The following ADAMTSL1 variants were observed in gnomAD, a reference collection of about 807,000 sequenced individuals.
ADAMTSL1 encodes the protein ADAMTS like 1.
ADAMTSL1 carries 126 observed loss-of-function variants against 201.8 expected under a neutral mutation model. That is an observed-to-expected ratio of 0.62 (90% CI 0.54 to 0.72). ADAMTSL1 has a LOEUF of 0.72. Among genes scored for constraint, ADAMTSL1 ranks in the 30% least tolerant of loss-of-function variants. ADAMTSL1 has a pLI of 0.00. For missense variants in ADAMTSL1, 2,679 were observed against 2,277.8 expected, an observed-to-expected ratio of 1.18 and a Z score of -3.59; for synonymous variants, 1,121 against 903.4, an observed-to-expected ratio of 1.24 and a Z score of -4.32.
At chr9:18,106,427 A>G (rs1395104655) in intron 1 of ADAMTSL1, among the ~76,000 whole-genome samples, 1 of 152,200 alleles carries the variant, frequency 6.6e-6, no homozygotes, top group African/African-American at 2.4e-5. Context: ...GCATTTCTCA[A>G]TGGAACCCCT....
At chr9:18,663,064 T>C (rs1381644482) in intron 9 of ADAMTSL1, among the ~76,000 whole-genome samples, 1 of 152,218 alleles carries the variant, frequency 6.6e-6, no homozygotes, top group Non-Finnish European at 1.5e-5. Flanking sequence ...CATTAAAATA[T>C]GACTTGGGCA....
intron 1 of ADAMTSL1, among the ~76,000 whole-genome samples, chr9:18,103,746 A>G (rs1824634410): frequency 6.6e-6 from 1 of 152,188 alleles, no homozygotes; most frequent in Non-Finnish European, 1.5e-5. Flanking sequence ...CTTTCAACCT[A>G]TATTCCATGG....
intron 10 of ADAMTSL1, among the ~76,000 whole-genome samples, chr9:18,677,838 A>G (rs1402783474): frequency 6.6e-6 from 1 of 152,090 alleles, no homozygotes; most frequent in African/African-American, 2.4e-5. Context: ...TATGTCTGAT[A>G]CTGAACTAGT....
chr9:18,397,248 C>T (rs992437627), intron 2 of ADAMTSL1, among the ~76,000 whole-genome samples: 2 of 152,050 alleles, frequency 1.3e-5, no homozygotes, highest in Non-Finnish European at 1.5e-5. Flanking sequence ...TTGAGAGTGC[C>T]TTGCTTCCTT....
In ADAMTSL1 at chr9:18,657,554, T is replaced by C. The variant is rs2132980907; in HGVS notation, c.835-85T>C. ...TCACACAGCCTAAAACCATCAGCAC[T>C]ACCATATACTCTTGTTCGAAGCTGC... On this transcript the variant is annotated intron_variant, in intron 7 of 28. Transcript: ENST00000380548. 5.2e-6 allele frequency: 5 copies of C among 970,446 alleles called. No homozygotes were observed. In the East Asian group the frequency reaches 1.2e-4, roughly 24 times the overall value. 60.1% of individuals were successfully genotyped at this position (970,446 alleles called of 1,614,324 possible). A position where few individuals can be genotyped will look rare whatever the true frequency, so the allele number is the denominator to read the frequency against.
intron 1 of ADAMTSL1, among the ~76,000 whole-genome samples, chr9:18,487,985 G>A (rs527698539): frequency 6.6e-6 from 1 of 152,248 alleles, no homozygotes; most frequent in African/African-American, 2.4e-5. Context: ...ATTTTTAAAA[G>A]GGTTCGTAAT....
exon 1 of ADAMTSL1, chr9:17,906,863 C>A (rs1379207576): frequency 6.6e-6 from 1 of 152,208 alleles, no homozygotes; most frequent in African/African-American, 2.4e-5. Context: ...GCCCCAGTGC[C>A]CCGGGTTCCT....
At chr9:18,072,773 G>A (rs747933918) in intron 1 of ADAMTSL1, among the ~76,000 whole-genome samples, 1 of 152,200 alleles carries the variant, frequency 6.6e-6, no homozygotes, top group Non-Finnish European at 1.5e-5. Flanking sequence ...AATTTTCATT[G>A]CCCACGGAGG....
intron 2 of ADAMTSL1, among the ~76,000 whole-genome samples, chr9:18,169,842 G>A (rs1036239010): frequency 6.6e-6 from 1 of 151,962 alleles, no homozygotes; most frequent in Non-Finnish European, 1.5e-5. Flanking sequence ...TTTATGCAAA[G>A]GAGAATAGTG....
rs1458569082 is a variant in ADAMTSL1, at chr9:17,910,433, T to C, written c.87+3511T>C. Among the ~76,000 whole-genome samples the C allele has an allele frequency of 4.4e-5, 3 of 68,844 alleles. 1 individual carries two copies. The highest frequency in any genetic ancestry group is 1.3e-4 in the Non-Finnish European group (3 of 22,504). 45.2% of individuals were successfully genotyped at this position (68,844 alleles called of 152,430 possible). A position where few individuals can be genotyped will look rare whatever the true frequency, so the allele number is the denominator to read the frequency against. On this transcript the variant is annotated intron_variant, in intron 1 of 29. Coordinates refer to the ADAMTSL1 transcript ENST00000680146. ...CACTTCAAGTCATTAGGTGCTTTCT[T>C]GGCATTCATGACAAGCTGATTTTTC...
chr9:18,369,266 A>T (rs908114909), intron 2 of ADAMTSL1, among the ~76,000 whole-genome samples: 1 of 152,220 alleles, frequency 6.6e-6, no homozygotes, highest in Non-Finnish European at 1.5e-5. Flanking sequence ...ATCTCAAGCA[A>T]ATTAATTAGC....
intron 6 of ADAMTSL1, among the ~76,000 whole-genome samples, chr9:18,638,217 T>G (rs1166126483): frequency 6.6e-6 from 1 of 152,086 alleles, no homozygotes; most frequent in Non-Finnish European, 1.5e-5. Context: ...TTTCCACTTG[T>G]TGATATTCTT....
intron 2 of ADAMTSL1, among the ~76,000 whole-genome samples, chr9:18,451,213 T>C (rs1820392304): frequency 6.6e-6 from 1 of 152,190 alleles, no homozygotes; most frequent in Non-Finnish European, 1.5e-5. Flanking sequence ...ACAATCATGT[T>C]TGCATACTCC....
intron 23 of ADAMTSL1, among the ~76,000 whole-genome samples, chr9:18,882,183 G>T (rs947875080): frequency 1.5e-4 from 23 of 152,128 alleles, no homozygotes; most frequent in African/African-American, 5.6e-4. Context: ...TAAGGCAGTT[G>T]GGAAAATGAG....
chr9:17,915,973 G>T (rs1231756288), intron 1 of ADAMTSL1, among the ~76,000 whole-genome samples: 3 of 152,142 alleles, frequency 2.0e-5, no homozygotes, highest in Non-Finnish European at 4.4e-5. Flanking sequence ...AGGCTGGAGT[G>T]CAGTGGCATG....
intron 7 of ADAMTSL1, among the ~76,000 whole-genome samples, chr9:18,649,185 C>T (rs1254937270): frequency 1.3e-5 from 2 of 152,212 alleles, no homozygotes; most frequent in Non-Finnish European, 2.9e-5. Context: ...TGCATCAGCT[C>T]CTGAGGCTTC....
At chr9:18,145,526 G>A (rs1372894154) in intron 1 of ADAMTSL1, among the ~76,000 whole-genome samples, 1 of 152,090 alleles carries the variant, frequency 6.6e-6, no homozygotes, top group Non-Finnish European at 1.5e-5. Flanking sequence ...CATGATTATG[G>A]TGCTGGAAAA....
At chr9:18,720,991 G>A (rs1288765173) in intron 14 of ADAMTSL1, among the ~76,000 whole-genome samples, 1 of 152,210 alleles carries the variant, frequency 6.6e-6, no homozygotes, top group Non-Finnish European at 1.5e-5. Context: ...TTCCAAGGCT[G>A]CCCTAGGTCA....
At chr9:18,476,968 C>T (rs1227277396) in intron 1 of ADAMTSL1, among the ~76,000 whole-genome samples, 3 of 152,136 alleles carry the variant, frequency 2.0e-5, no homozygotes, top group African/African-American at 4.8e-5. Context: ...ATCTATTTTA[C>T]GTTACCACCC....
Sources: gnomAD v4.1 joint callset for allele counts (sites outside exome capture counted in the v4.1 genomes callset) on GRCh38, gnomAD v4.1.1 for gene constraint, MANE v1.5 for transcripts, NCBI Gene and HGNC (gene_info 2026-07-23, HGNC 2026-07-21) for gene names.